ASTN1: variants seen among roughly 807,000 people sequenced by gnomAD.
ASTN1 encodes astrotactin-1.
Under a neutral mutation model 140.7 loss-of-function variants are expected in ASTN1, and 41 were observed. That is an observed-to-expected ratio of 0.29 (90% CI 0.23 to 0.38). The LOEUF is 0.38. Ranked by LOEUF, ASTN1 falls within the 10% of genes least tolerant of loss-of-function variation. The pLI, the probability that ASTN1 is intolerant of heterozygous loss-of-function variation, is 1.00. For synonymous variants in ASTN1, 640 were observed against 652.2 expected (o/e 0.98, Z 0.29); for missense variants, 1,479 against 1,678.8 (o/e 0.88, Z 2.08).
chr1:176,978,904 T>C (rs926495988), intron 8 of ASTN1, among the ~76,000 whole-genome samples: 9 of 152,100 alleles, frequency 5.9e-5, no homozygotes, highest in Admixed American at 5.2e-4. Context: ...CCAAAAATCA[T>C]ACCTAAGAGA....
chr1:176,984,195 C>T (rs1027271335), intron 8 of ASTN1, among the ~76,000 whole-genome samples: 3 of 152,176 alleles, frequency 2.0e-5, no homozygotes, highest in South Asian at 2.1e-4. Flanking sequence ...CTCTCCACAC[C>T]GCTGGTGCAG....
At chr1:177,065,907 G>T (rs1466031112) in intron 1 of ASTN1, among the ~76,000 whole-genome samples, 1 of 152,156 alleles carries the variant, frequency 6.6e-6, no homozygotes, top group Non-Finnish European at 1.5e-5. Context: ...TAATCCTACA[G>T]TCTATGATGA....
intron 16 of ASTN1, among the ~76,000 whole-genome samples, chr1:176,895,506 T>C (rs1669466668): frequency 6.6e-6 from 1 of 152,222 alleles, no homozygotes; most frequent in Non-Finnish European, 1.5e-5. Context: ...TTAAGTCTTT[T>C]AGGTCAGAGA....
intron 1 of ASTN1, among the ~76,000 whole-genome samples, chr1:177,093,794 T>C (rs1488768828): frequency 2.0e-5 from 3 of 152,232 alleles, no homozygotes; most frequent in Non-Finnish European, 4.4e-5. Context: ...TTCCCATTGA[T>C]TAATGATTCA....
chr1:177,049,675 G>A (rs1194918812), intron 2 of ASTN1, among the ~76,000 whole-genome samples: 1 of 152,174 alleles, frequency 6.6e-6, no homozygotes, highest in Non-Finnish European at 1.5e-5. Flanking sequence ...TGCCTCATCA[G>A]CAAGCTTTCG....
intron 8 of ASTN1, among the ~76,000 whole-genome samples, chr1:176,968,443 T>C (rs1672980717): frequency 6.6e-6 from 1 of 151,950 alleles, no homozygotes; most frequent in Non-Finnish European, 1.5e-5. Flanking sequence ...GCAACATGAG[T>C]ATGGAAAGGC....
chr1:177,025,452 T>C (rs1435534117), intron 5 of ASTN1, among the ~76,000 whole-genome samples: 1 of 152,114 alleles, frequency 6.6e-6, no homozygotes, highest in Non-Finnish European at 1.5e-5. Flanking sequence ...TTGTTATTTT[T>C]TTTTAATTTT....
chr1:177,001,254 C>T (rs79070129), intron 8 of ASTN1, among the ~76,000 whole-genome samples: 1,531 of 152,242 alleles, frequency 0.01, 31 homozygotes, highest in African/African-American at 0.033. Context: ...TTGTTTCTGC[C>T]TTCATGGAAT....
Position 176,868,953 on chromosome 1 carries a change from G to A in ASTN1, c.3538C>T (p.Leu1180Phe). ...GKEQQTAYNT[L>F]LDLGSPTLHR... ...AAGGTGGGGGAACCCAGATCCAGGA[G>A]GGTGTTGTAGGCGGTCTGCTGCTCC... is the stretch of plus-strand genomic sequence containing the variant. Residue 1180 changes from leucine (L) to phenylalanine (F), a missense_variant, in exon 22 of 23, where the codon CTC (leucine) becomes TTC (phenylalanine). Leu to Phe is a conservative substitution (Grantham distance 22). This residue lies in a region of ASTN1 where 746 missense variants were observed against 800.9 expected (regional missense o/e 0.93). Transcript: ENST00000361833. 6.2e-7 allele frequency: 1 copy of A among 1,613,090 alleles called. No homozygotes were observed. Among genetic ancestry groups the A allele is most frequent in the Non-Finnish European group, 8.5e-7 (1 of 1,179,312 alleles).
At chr1:177,076,339 T>A (rs1209575665) in intron 1 of ASTN1, among the ~76,000 whole-genome samples, 2 of 139,754 alleles carry the variant, frequency 1.4e-5, no homozygotes, top group Non-Finnish European at 3.2e-5. Flanking sequence ...GAAAAAGAAA[T>A]CCCTCACACC....
chr1:177,140,494 G>A (rs763755291), intron 1 of ASTN1, among the ~76,000 whole-genome samples: 5 of 152,158 alleles, frequency 3.3e-5, no homozygotes, highest in Middle Eastern at 3.4e-3. Flanking sequence ...CCTTTATCCC[G>A]CATGTATCAG....
At chr1:176,996,228 G>A (rs1006389615) in intron 8 of ASTN1, among the ~76,000 whole-genome samples, 6 of 150,486 alleles carry the variant, frequency 4.0e-5, no homozygotes, top group African/African-American at 7.4e-5. Context: ...CAGTTCCCAA[G>A]GTAAATGGCA....
downstream of ASTN1, among the ~76,000 whole-genome samples, chr1:176,860,338 C>T (rs1278384099): frequency 6.6e-6 from 1 of 152,174 alleles, no homozygotes; most frequent in Non-Finnish European, 1.5e-5. Context: ...TTTAATTGCC[C>T]CTGCTTGGGC....
chr1:176,878,930 A>G (rs557159022), intron 20 of ASTN1, among the ~76,000 whole-genome samples: 6 of 152,248 alleles, frequency 3.9e-5, no homozygotes, highest in Non-Finnish European at 8.8e-5. Flanking sequence ...TCTCCCACAG[A>G]GGTCCTGACA....
At chr1:176,900,150 G>A (rs1669702378) in intron 16 of ASTN1, among the ~76,000 whole-genome samples, 1 of 152,178 alleles carries the variant, frequency 6.6e-6, no homozygotes, top group South Asian at 2.1e-4. Context: ...CAGTTCTCTA[G>A]TCCTTTACTA....
At chr1:176,894,881 C>T in intron 16 of ASTN1, 51 bp from the exon 17 acceptor site, 1 of 1,602,430 alleles carries the variant, frequency 6.2e-7, no homozygotes, top group Non-Finnish European at 8.5e-7. Flanking sequence ...AAAGTAAGGA[C>T]TATCATGACC....
Position 176,876,462 on chromosome 1 carries a change from C to A in ASTN1, c.3463+75G>T, listed in dbSNP as rs1334183999. The A allele has an allele frequency of 4.7e-6, 7 of 1,480,064 alleles. No individual in the cohort carries two copies. In the East Asian group the frequency reaches 1.1e-4, roughly 24 times the overall value. The allele number at this position is 1,480,064 out of a possible 1,614,324, so 91.7% of individuals were successfully genotyped here. A position where few individuals can be genotyped will look rare whatever the true frequency, so the allele number is the denominator to read the frequency against. ...GGTTGTTCTATTCAACTCTCTTGGT[C>A]CTTCTGTCCTCATAGCAAGTGGTGG... is the stretch of plus-strand genomic sequence containing the variant. On this transcript the variant is annotated intron_variant, in intron 21 of 22. Coordinates refer to ENST00000361833, the MANE Select transcript of ASTN1 (RefSeq NM_004319.3).
intron 20 of ASTN1, among the ~76,000 whole-genome samples, chr1:176,879,100 G>A (rs906040470): frequency 6.6e-6 from 1 of 152,218 alleles, no homozygotes; most frequent in Non-Finnish European, 1.5e-5. Flanking sequence ...TCTCAGGCCA[G>A]CATGGTCACA....
At chr1:176,914,857 T>C (rs144155180) in intron 16 of ASTN1, among the ~76,000 whole-genome samples, 1 of 152,238 alleles carries the variant, frequency 6.6e-6, no homozygotes, top group East Asian at 1.9e-4. Flanking sequence ...GTGCCAGATA[T>C]GGATAGAGGA....
Sources: allele counts gnomAD v4.1 joint callset (sites outside exome capture counted in the v4.1 genomes callset), GRCh38; gene constraint gnomAD v4.1.1; regional missense constraint gnomAD v4.1.1; transcripts MANE v1.5; gene names NCBI Gene and HGNC (gene_info 2026-07-23, HGNC 2026-07-21).